Variants in UGGT2 observed in about 807,000 individuals in gnomAD.
UGGT2 encodes UDP-glucose glycoprotein glucosyltransferase 2, also known as UDP-glucose:glycoprotein glucosyltransferase 2.
Under a neutral mutation model 192.1 loss-of-function variants are expected in UGGT2, and 180 were observed. The ratio of observed to expected loss-of-function variants is 0.94; its 90% CI spans 0.83 to 1.06. The LOEUF is 1.06. Among genes scored for constraint, UGGT2 ranks in the 50% least tolerant of loss-of-function variants. The pLI, the probability that UGGT2 is intolerant of heterozygous loss-of-function variation, is 0.00. For synonymous variants in UGGT2, 580 were observed against 591.0 expected (o/e 0.98, Z 0.27); for missense variants, 1,849 against 1,795.7 (o/e 1.03, Z -0.54).
At chr13:95,995,160 G>A (rs1303550920) in intron 7 of UGGT2, among the ~76,000 whole-genome samples, 2 of 151,882 alleles carry the variant, frequency 1.3e-5, no homozygotes, top group Non-Finnish European at 2.9e-5. Context: ...TTTTTATAAA[G>A]AGCTGTTATA....
intron 38 of UGGT2, among the ~76,000 whole-genome samples, chr13:95,811,288 A>G (rs534046444): frequency 1.3e-5 from 2 of 152,368 alleles, no homozygotes; most frequent in East Asian, 3.8e-4. Context: ...ATCCACTTAA[A>G]ACCTGTATAT....
intron 7 of UGGT2, chr13:95,995,275 A>T (rs1040851193): frequency 2.6e-5 from 4 of 152,102 alleles, no homozygotes; most frequent in Non-Finnish European, 1.5e-5. Context: ...AAAAAAAGTT[A>T]ATCCTTGCAA....
At chr13:95,940,350 A>C (rs2049627685) in intron 15 of UGGT2, among the ~76,000 whole-genome samples, 1 of 151,868 alleles carries the variant, frequency 6.6e-6, no homozygotes, top group Non-Finnish European at 1.5e-5. Flanking sequence ...CATTATTCTT[A>C]ATAAAATAAT....
At chr13:96,004,687 C>T (rs559279359) in intron 5 of UGGT2, among the ~76,000 whole-genome samples, 1 of 134,140 alleles carries the variant, frequency 7.5e-6, no homozygotes, top group Admixed American at 7.8e-5. Flanking sequence ...CCCCCTCCCC[C>T]CAAAGTATAA....
chr13:95,908,431 C>T (rs2048362728), intron 20 of UGGT2, among the ~76,000 whole-genome samples: 1 of 152,088 alleles, frequency 6.6e-6, no homozygotes, highest in Admixed American at 6.6e-5. Context: ...AAGAACAACC[C>T]CAAGACACAT....
At chr13:95,912,295 T>C (rs2048526843) in intron 20 of UGGT2, among the ~76,000 whole-genome samples, 1 of 152,172 alleles carries the variant, frequency 6.6e-6, no homozygotes, top group African/African-American at 2.4e-5. Context: ...GAAAGTCAAA[T>C]TGTCCCTGTT....
intron 2 of UGGT2, among the ~76,000 whole-genome samples, chr13:96,026,384 T>C (rs889310875): frequency 6.6e-6 from 1 of 152,124 alleles, no homozygotes. Flanking sequence ...ATACCATCTC[T>C]ACATCAATTC....
intron 1 of UGGT2, among the ~76,000 whole-genome samples, chr13:96,044,309 G>T (rs990592198): frequency 3.9e-5 from 6 of 152,080 alleles, no homozygotes; most frequent in African/African-American, 1.4e-4. Context: ...TTTTTGAACC[G>T]AACAACAACA....
chr13:95,853,235 T>C (rs1214651224), intron 36 of UGGT2, among the ~76,000 whole-genome samples: 1 of 152,152 alleles, frequency 6.6e-6, no homozygotes, highest in Non-Finnish European at 1.5e-5. Flanking sequence ...CCTTTATAAA[T>C]TACCCAGTCT....
At chr13:95,880,604 C>T (rs1017777108) in intron 27 of UGGT2, among the ~76,000 whole-genome samples, 2 of 152,274 alleles carry the variant, frequency 1.3e-5, no homozygotes, top group East Asian at 3.9e-4. Flanking sequence ...TTGTTATCCT[C>T]AGTCAACCAT....
intron 24 of UGGT2, among the ~76,000 whole-genome samples, chr13:95,892,506 A>G (rs998720787): frequency 6.6e-6 from 1 of 152,170 alleles, no homozygotes; most frequent in Non-Finnish European, 1.5e-5. Context: ...AGTCCATGTC[A>G]GAAAAAAAAG....
At chr13:95,923,607 G>C (rs970641396) in intron 20 of UGGT2, among the ~76,000 whole-genome samples, 2 of 152,026 alleles carry the variant, frequency 1.3e-5, no homozygotes, top group Non-Finnish European at 2.9e-5. Context: ...AATAAGATAA[G>C]CTACACATTC....
chr13:95,851,759 C>A (rs1033952608), intron 36 of UGGT2, among the ~76,000 whole-genome samples: 26 of 152,160 alleles, frequency 1.7e-4, no homozygotes, highest in African/African-American at 5.8e-4. Flanking sequence ...CAATCATCCC[C>A]AAAATGTGGT....
intron 16 of UGGT2, among the ~76,000 whole-genome samples, chr13:95,937,376 C>T (rs1261036617): frequency 2.0e-5 from 3 of 152,036 alleles, no homozygotes; most frequent in Non-Finnish European, 4.4e-5. Context: ...CAGTCATAGA[C>T]GACATATGAA....
chr13:95,824,828 T>C (rs1280549255), intron 38 of UGGT2, among the ~76,000 whole-genome samples: 1 of 152,176 alleles, frequency 6.6e-6, no homozygotes, highest in Non-Finnish European at 1.5e-5. Context: ...GTGATCTTTT[T>C]TGGGGGTGTT....
At position 95,985,168 on chromosome 13, in the gene UGGT2, T is replaced by C. The variant is rs2051249514; in HGVS notation, c.1031+1165A>G. 1.4e-5 allele frequency: 10 copies of C among 700,954 alleles called. No homozygotes were observed. In the South Asian group the frequency reaches 1.9e-4, roughly 13 times the overall value. The allele number at this position is 700,954 out of a possible 1,614,324, so 43.4% of individuals were successfully genotyped here. On this transcript the variant is annotated intron_variant, in intron 9 of 38. Transcript: ENST00000376747. ...AAAGTTATTTTACTTTATTTGTATT[T>C]GATCTAATAATTTTTATAACGGCCA... is the stretch of plus-strand genomic sequence containing the variant.
chr13:96,036,888 G>A (rs2053019823), intron 1 of UGGT2, among the ~76,000 whole-genome samples: 1 of 152,054 alleles, frequency 6.6e-6, no homozygotes, highest in South Asian at 2.1e-4. Flanking sequence ...TTAAGTAGTT[G>A]GGACTACAGG....
At chr13:95,918,215 G>C (rs991468146) in intron 20 of UGGT2, among the ~76,000 whole-genome samples, 2 of 152,148 alleles carry the variant, frequency 1.3e-5, no homozygotes, top group East Asian at 3.9e-4. Flanking sequence ...TAGAACTGAA[G>C]ATTAAGAAAT....
chr13:95,999,090 AC>A, intron 6 of UGGT2, 120 bp downstream of exon 6: 1 of 577,802 alleles, frequency 1.7e-6, no homozygotes, highest in Non-Finnish European at 3.0e-6. Context: ...GAATATGTCC[AC>A]CCCATCTCTA....
Sources: allele counts gnomAD v4.1 joint callset (sites outside exome capture counted in the v4.1 genomes callset), GRCh38; gene constraint gnomAD v4.1.1; transcripts MANE v1.5; gene names NCBI Gene and HGNC (gene_info 2026-07-23, HGNC 2026-07-21).